The following KCND2 variants were observed in gnomAD, a reference collection of about 807,000 sequenced individuals.
KCND2 encodes the protein A-type voltage-gated potassium channel KCND2.
In KCND2, 16 loss-of-function variants were observed where a neutral mutation model predicts 54.4. The ratio of observed to expected loss-of-function variants is 0.29; its 90% CI spans 0.20 to 0.45. The LOEUF (loss-of-function observed/expected upper bound fraction) is 0.45, where lower values mean the gene tolerates loss of function less well. Among genes scored for constraint, KCND2 ranks in the 20% least tolerant of loss-of-function variants. The pLI is 1.00. For synonymous variants in KCND2, 317 were observed against 310.7 expected, an observed-to-expected ratio of 1.02 and a Z score of -0.21; for missense variants, 486 against 824.2, an observed-to-expected ratio of 0.59 and a Z score of 5.02.
chr7:120,529,103 G>T (rs748494095), intron 1 of KCND2, among the ~76,000 whole-genome samples: 1 of 152,146 alleles, frequency 6.6e-6, no homozygotes, highest in Non-Finnish European at 1.5e-5. Context: ...AGAGCAAATG[G>T]AAGAGTGAAT....
chr7:120,552,857 C>G (rs1792119206), intron 1 of KCND2, among the ~76,000 whole-genome samples: 1 of 152,172 alleles, frequency 6.6e-6, no homozygotes, highest in South Asian at 2.1e-4. Flanking sequence ...GAATGTTTCA[C>G]TCTTTTGTCT....
At chr7:120,320,239 A>C (rs1799875319) in intron 1 of KCND2, among the ~76,000 whole-genome samples, 1 of 152,160 alleles carries the variant, frequency 6.6e-6, no homozygotes, top group African/African-American at 2.4e-5. Flanking sequence ...ATAGAAGTAC[A>C]GGGGTGTTAC....
intron 1 of KCND2, among the ~76,000 whole-genome samples, chr7:120,681,867 T>C (rs964645314): frequency 1.3e-5 from 2 of 152,024 alleles, no homozygotes; most frequent in Non-Finnish European, 2.9e-5. Context: ...CCTTTTTTCA[T>C]TTCCTAATAA....
chr7:120,363,077 G>T (rs1278711092), intron 1 of KCND2, among the ~76,000 whole-genome samples: 2 of 151,988 alleles, frequency 1.3e-5, no homozygotes, highest in South Asian at 2.1e-4. Flanking sequence ...GACATGGGAG[G>T]ATCACTTGAG....
chr7:120,301,669 G>A (rs997998161), intron 1 of KCND2, among the ~76,000 whole-genome samples: 17 of 151,970 alleles, frequency 1.1e-4, no homozygotes, highest in South Asian at 2.1e-4. Context: ...CAAAATATAC[G>A]AAAATTTTAT....
chr7:120,409,882 T>C (rs1251307613), intron 1 of KCND2, among the ~76,000 whole-genome samples: 3 of 151,904 alleles, frequency 2.0e-5, no homozygotes, highest in African/African-American at 7.2e-5. Context: ...AGACAAAATT[T>C]AAAAATTTTG....
rs553046126 is a variant in KCND2 at position 120,574,025 on chromosome 7, G to A, written c.1116-158878G>A. Among the ~76,000 whole-genome samples the A allele has an allele frequency of 9.9e-5, 15 of 152,174 alleles. No individual in the cohort carries two copies. The East Asian group carries it at 2.9e-3, about 29-fold the overall frequency. On this transcript the variant is annotated intron_variant, in intron 1 of 5. Coordinates refer to ENST00000331113, the MANE Select transcript of KCND2 (RefSeq NM_012281.3). ...CACTTTTGTCCCTGTGCTAGTATTAGACACTTAAAAGAAGACTAAGTTAAT... is the reference window on the plus strand; with the variant it reads ...CACTTTTGTCCCTGTGCTAGTATTAAACACTTAAAAGAAGACTAAGTTAAT...
intron 1 of KCND2, among the ~76,000 whole-genome samples, chr7:120,536,946 T>C (rs1328477065): frequency 6.6e-6 from 1 of 152,210 alleles, no homozygotes; most frequent in Non-Finnish European, 1.5e-5. Flanking sequence ...TTCTTTTAAA[T>C]TCCTGATAAC....
intron 1 of KCND2, among the ~76,000 whole-genome samples, chr7:120,642,691 G>A (rs1428098839): frequency 6.6e-6 from 1 of 151,956 alleles, no homozygotes; most frequent in African/African-American, 2.4e-5. Flanking sequence ...CAGGAAGAAT[G>A]TTTTAAAATA....
At chr7:120,373,435 C>T (rs557701499) in intron 1 of KCND2, among the ~76,000 whole-genome samples, 1 of 151,836 alleles carries the variant, frequency 6.6e-6, no homozygotes, top group Non-Finnish European at 1.5e-5. Flanking sequence ...GATTCATATG[C>T]AAATCTGAAA....
intron 3 of KCND2, 33 bp downstream of exon 3, chr7:120,741,662 C>T (rs183970237): frequency 2.8e-6 from 4 of 1,435,930 alleles, no homozygotes; most frequent in Non-Finnish European, 3.9e-6. Context: ...TTTTAATGTT[C>T]AATTTCTTGG....
At chr7:120,585,521 G>T (rs981778459) in intron 1 of KCND2, among the ~76,000 whole-genome samples, 3 of 152,146 alleles carry the variant, frequency 2.0e-5, no homozygotes, top group African/African-American at 7.2e-5. Flanking sequence ...ACATAGTAGA[G>T]AAAGCATGGG....
intron 5 of KCND2, among the ~76,000 whole-genome samples, chr7:120,747,140 A>G (rs1010117800): frequency 1.3e-5 from 2 of 152,102 alleles, no homozygotes; most frequent in African/African-American, 4.8e-5. Flanking sequence ...TAGAGTATAC[A>G]ATTCATCCAA....
At chr7:120,716,092 C>T (rs1482204612) in intron 1 of KCND2, among the ~76,000 whole-genome samples, 1 of 152,042 alleles carries the variant, frequency 6.6e-6, no homozygotes, top group African/African-American at 2.4e-5. Context: ...AGCAAAAGCT[C>T]ATAATTACCT....
intron 1 of KCND2, among the ~76,000 whole-genome samples, chr7:120,287,989 G>A (rs117184810): frequency 2.6e-5 from 4 of 152,102 alleles, no homozygotes; most frequent in East Asian, 1.9e-4. Context: ...ATCTTATCAC[G>A]TGCTAAGGTA....
chr7:120,337,236 A>G (rs2116359165), intron 1 of KCND2, among the ~76,000 whole-genome samples: 2 of 152,316 alleles, frequency 1.3e-5, no homozygotes, highest in South Asian at 4.1e-4. Context: ...CTTTTTATTT[A>G]TTTAGTCTTT....
chr7:120,536,199 T>G (rs1352762311), intron 1 of KCND2, among the ~76,000 whole-genome samples: 9 of 152,158 alleles, frequency 5.9e-5, no homozygotes, highest in Admixed American at 3.3e-4. Flanking sequence ...CTATTAAGTG[T>G]GCAGTAGAAC....
intron 1 of KCND2, among the ~76,000 whole-genome samples, chr7:120,363,720 G>C (rs560201581): frequency 7.2e-5 from 11 of 152,168 alleles, no homozygotes; most frequent in African/African-American, 2.4e-4. Flanking sequence ...ATAGCTTCCA[G>C]TTTTACAGAG....
At chr7:120,390,641 T>G (rs573631575) in intron 1 of KCND2, among the ~76,000 whole-genome samples, 1 of 152,024 alleles carries the variant, frequency 6.6e-6, no homozygotes, top group Non-Finnish European at 1.5e-5. Context: ...GATTCATTAC[T>G]AAGTAACATA....
Sources: gnomAD v4.1 joint callset for allele counts (sites outside exome capture counted in the v4.1 genomes callset) on GRCh38, gnomAD v4.1.1 for gene constraint, MANE v1.5 for transcripts, NCBI Gene and HGNC (gene_info 2026-07-23, HGNC 2026-07-21) for gene names.